Variants in ZNF276 observed in about 807,000 individuals in gnomAD.
ZNF276 encodes the protein zinc finger protein 276.
ZNF276 carries 59 observed loss-of-function variants against 63.9 expected under a neutral mutation model. The observed-to-expected ratio is 0.92, with a 90% CI of 0.75 to 1.15. The LOEUF (loss-of-function observed/expected upper bound fraction) is 1.15, where lower values mean the gene tolerates loss of function less well. Among genes scored for constraint, ZNF276 ranks in the 50% most tolerant of loss-of-function variants. The pLI is 0.00. For missense variants in ZNF276, 1,084 were observed against 843.8 expected, an observed-to-expected ratio of 1.28 and a Z score of -3.53; for synonymous variants, 496 against 348.4, an observed-to-expected ratio of 1.42 and a Z score of -4.72.
rs2062015213 is a variant in ZNF276, at chr16:89,738,229, A to G, written c.1828A>G (p.Lys610Glu). ...PSVTTEGQAV[K>E]PEPT ...TGTGACCACAGAGGGCCAGGCGGTGAAGCCCGAACCCACCTGAGGACGGCA... is the reference window on the plus strand; with the variant it reads ...TGTGACCACAGAGGGCCAGGCGGTGGAGCCCGAACCCACCTGAGGACGGCA... The change falls in exon 11 of 11, where the codon AAG becomes GAG. Residue 610 changes from lysine to glutamate, a missense_variant. Transcript: ENST00000443381. The G allele has an allele frequency of 6.2e-7, 1 of 1,606,280 alleles. No homozygotes were observed. The highest frequency in any genetic ancestry group is 1.7e-5 in the Admixed American group (1 of 58,788).
rs374644740 is a variant in ZNF276 at position 89,723,282 on chromosome 16, C to A, written c.579C>A (p.Pro193=). ...ACLVDLITSS[P]QCLHGLVGWV... is the part of the protein sequence containing the mutation. Reference sequence around the variant, plus strand: ...CAGTGGATCTGATCACATCCAGCCCCCAGTGCCTGCACGGCTTGGTGGGGT... The same window carrying A: ...CAGTGGATCTGATCACATCCAGCCCACAGTGCCTGCACGGCTTGGTGGGGT... Residue 193 remains proline, a synonymous_variant, in exon 4 of 11, where the codon CCC becomes CCA. Coordinates refer to ENST00000443381, the MANE Select transcript of ZNF276 (RefSeq NM_001113525.2). The A allele has an allele frequency of 6.2e-7, 1 of 1,613,094 alleles. No homozygotes were observed. Among genetic ancestry groups the A allele is most frequent in the Non-Finnish European group, 8.5e-7 (1 of 1,179,964 alleles).
chr16:89,730,898 T>G (rs1489434103), intron 6 of ZNF276, among the ~76,000 whole-genome samples: 3 of 152,336 alleles, frequency 2.0e-5, no homozygotes, highest in Middle Eastern at 3.4e-3. Flanking sequence ...AAGAGACTTC[T>G]GTGATGTGTT....
chr16:89,724,944 C>T (rs1042509754), intron 4 of ZNF276, among the ~76,000 whole-genome samples: 13 of 152,164 alleles, frequency 8.5e-5, no homozygotes, highest in African/African-American at 2.9e-4. Flanking sequence ...ATCTATCTAT[C>T]TATGTGTTTA....
At chr16:89,724,325 C>G (rs761140032) in intron 4 of ZNF276, among the ~76,000 whole-genome samples, 1 of 152,192 alleles carries the variant, frequency 6.6e-6, no homozygotes, top group Non-Finnish European at 1.5e-5. Flanking sequence ...TGCACCTGTC[C>G]CCACCTGAGC....
intron 6 of ZNF276, chr16:89,731,877 G>T (rs921548319): frequency 6.6e-6 from 1 of 152,216 alleles, no homozygotes; most frequent in African/African-American, 2.4e-5. Context: ...GGTTTTCTAC[G>T]TAGAAGGTCG....
At chr16:89,720,509 G>T, upstream of ZNF276, 3 of 1,142,556 alleles carry the variant, frequency 2.6e-6, no homozygotes, top group African/African-American at 4.9e-5. Flanking sequence ...TCTACAGGTG[G>T]AGCCCAGGCT....
At chr16:89,726,399 G>T (rs1483588811) in intron 4 of ZNF276, among the ~76,000 whole-genome samples, 1 of 152,118 alleles carries the variant, frequency 6.6e-6, no homozygotes, top group Non-Finnish European at 1.5e-5. Context: ...GTTTCTCCAT[G>T]TTGGTAAGGC....
intron 6 of ZNF276, 137 bp downstream of exon 6, chr16:89,729,455 C>T (rs953396050): frequency 9.1e-6 from 7 of 768,948 alleles, no homozygotes; most frequent in Non-Finnish European, 1.3e-5. Context: ...TGAAACGTGG[C>T]TTCCCTCAGT....
At chr16:89,730,638 A>C (rs928740904) in intron 6 of ZNF276, among the ~76,000 whole-genome samples, 1 of 152,126 alleles carries the variant, frequency 6.6e-6, no homozygotes, top group Non-Finnish European at 1.5e-5. Flanking sequence ...AGAGGTCTCT[A>C]ATAAAAGGGG....
chr16:89,738,309 C>T lies in ZNF276; in HGVS notation c.*63C>T. On this transcript the variant is annotated 3_prime_UTR_variant, in exon 11 of 11. Coordinates refer to ENST00000443381, the MANE Select transcript of ZNF276 (RefSeq NM_001113525.2). ...CTCCGCAGTGGCTGTGTCAGCCTCA[C>T]CCTTCGTGTGCACCCGCATGGGAGG... The T allele has an allele frequency of 6.5e-7, 1 of 1,526,828 alleles. No individual in the cohort carries two copies. The highest frequency in any genetic ancestry group is 8.8e-7 in the Non-Finnish European group (1 of 1,137,904). The allele number at this position is 1,526,828 out of a possible 1,614,324, so 94.6% of individuals were successfully genotyped here.
chr16:89,738,148 C>A lies in ZNF276; in HGVS notation c.1747C>A (p.Gln583Lys). ...MSMVHPLTQT[Q>K]DKALPLEAEP... ...CATGGTGCACCCGCTGACACAGACCCAGGACAAGGCCCTGCCCCTGGAGGC... is the reference window on the plus strand; with the variant it reads ...CATGGTGCACCCGCTGACACAGACCAAGGACAAGGCCCTGCCCCTGGAGGC... The change falls in exon 11 of 11, where the codon CAG (glutamine) becomes AAG (lysine). Residue 583 changes from glutamine (Q) to lysine (K), a missense_variant. Physicochemically the swap from Gln to Lys is moderately conservative, Grantham distance 53. Transcript: ENST00000443381. 1 of 1,613,594 alleles carries A rather than the reference C, an allele frequency of 6.2e-7. No individual in the cohort carries two copies. The highest frequency in any genetic ancestry group is 1.1e-5 in the South Asian group (1 of 91,076).
chr16:89,733,298 T>TC lies in ZNF276; in HGVS notation c.1170-3dup. On this transcript the variant is annotated splice_polypyrimidine_tract_variant and splice_region_variant and intron_variant, in intron 6 of 10. Transcript: ENST00000443381. ...CATTGAATTTGGGAACCTCTTTTTT[T>TC]CAGAGTCTCTGGTAAGAAGAGTGAA... 8 of 1,610,394 alleles carry TC rather than the reference T, an allele frequency of 5.0e-6. No homozygotes were observed. The highest frequency in any genetic ancestry group is 1.1e-5 in the South Asian group (1 of 90,682).
In ZNF276 at chr16:89,723,672, C is replaced by G; in HGVS notation, c.969C>G (p.Phe323Leu). The change falls in exon 4 of 11, where the codon TTC (phenylalanine) becomes TTG (leucine). Residue 323 changes from phenylalanine (F) to leucine (L), a missense_variant. Transcript: ENST00000443381. Reference protein sequence around the residue: ...DSDAVGPRSGFPPQPSLPLCR... With the variant: ...DSDAVGPRSGLPPQPSLPLCR... ...ACGCGGTGGGGCCCAGGTCGGGCTT[C>G]CCACCTCAGCCAAGCCTGCCCCTTT... is the stretch of plus-strand genomic sequence containing the variant. 6.2e-7 allele frequency: 1 copy of G among 1,611,946 alleles called. No individual in the cohort carries two copies. Among genetic ancestry groups the G allele is most frequent in the Non-Finnish European group, 8.5e-7 (1 of 1,179,638 alleles).
chr16:89,727,212 C>T (rs2061495563), intron 4 of ZNF276, 67 bp from the exon 5 acceptor site: 1 of 1,486,620 alleles, frequency 6.7e-7, no homozygotes, highest in Non-Finnish European at 9.4e-7. Context: ...TAGAATCATG[C>T]CTCCTTGCAG....
At position 89,732,488 on chromosome 16, in the gene ZNF276, G is replaced by A. The variant is rs552118106; in HGVS notation, c.1170-814G>A. Reference sequence around the variant, plus strand: ...AGTGGATTCTGAGCTTTTTCCTAGCGTAAGGTCGTTTTGATAAAGGAGTGG... The same window carrying A: ...AGTGGATTCTGAGCTTTTTCCTAGCATAAGGTCGTTTTGATAAAGGAGTGG... On this transcript the variant is annotated intron_variant, in intron 6 of 10. Coordinates refer to ENST00000443381, the MANE Select transcript of ZNF276 (RefSeq NM_001113525.2). The A allele has an allele frequency of 2.9e-4, 45 of 153,472 alleles. No individual in the cohort carries two copies. In the South Asian group the frequency reaches 8.0e-3, roughly 27 times the overall value. The allele number at this position is 153,472 out of a possible 1,614,324, so 9.5% of individuals were successfully genotyped here.
intron 4 of ZNF276, among the ~76,000 whole-genome samples, chr16:89,726,862 T>C (rs753595819): frequency 6.6e-6 from 1 of 151,734 alleles, no homozygotes; most frequent in African/African-American, 2.4e-5. Context: ...GCCAGGCTGG[T>C]CTCGATCTCC....
At chr16:89,729,867 C>T (rs571730097) in intron 6 of ZNF276, among the ~76,000 whole-genome samples, 2 of 152,200 alleles carry the variant, frequency 1.3e-5, no homozygotes, top group African/African-American at 2.4e-5. Context: ...TATTTTCTCT[C>T]TTCAGTTAGA....
At chr16:89,723,764 A>G in intron 4 of ZNF276, 55 bp downstream of exon 4, 1 of 1,518,566 alleles carries the variant, frequency 6.6e-7, no homozygotes, top group Admixed American at 1.9e-5. Flanking sequence ...TCAGTGGGGC[A>G]GGGTTTTCAG....
chr16:89,737,756 G>A (rs764049034), intron 9 of ZNF276, 50 bp from the exon 10 acceptor site: 15 of 1,610,418 alleles, frequency 9.3e-6, no homozygotes, highest in East Asian at 4.5e-5. Flanking sequence ...TCGTCCCCCC[G>A]GGAGGTTGGA....
Sources: allele counts gnomAD v4.1 joint callset (sites outside exome capture counted in the v4.1 genomes callset), GRCh38; gene constraint gnomAD v4.1.1; transcripts MANE v1.5; gene names NCBI Gene and HGNC (gene_info 2026-07-23, HGNC 2026-07-21).